DENND1A: variants seen among roughly 807,000 people sequenced by gnomAD.
DENND1A encodes the protein DENN domain-containing protein 1A.
In DENND1A, 51 loss-of-function variants were observed where a neutral mutation model predicts 113.7. That is an observed-to-expected ratio of 0.45 (90% CI 0.36 to 0.57). The LOEUF is 0.57. Ranked by LOEUF, DENND1A falls within the 20% of genes least tolerant of loss-of-function variation. The probability of loss-of-function intolerance (pLI) is 0.00; values close to 1 mark genes in which losing one functional copy is unlikely to be tolerated. For missense variants in DENND1A, 1,258 were observed against 1,395.9 expected, an observed-to-expected ratio of 0.90 and a Z score of 1.57; for synonymous variants, 565 against 570.8, an observed-to-expected ratio of 0.99 and a Z score of 0.14.
chr9:123,385,161 C>G (rs13291885), intron 22 of DENND1A, among the ~76,000 whole-genome samples: 15,762 of 151,960 alleles, frequency 0.1, 867 homozygotes, highest in Middle Eastern at 0.18. Context: ...TGCATCTAGC[C>G]TTTTTTATAT....
At chr9:123,765,538 C>A (rs535009426) in intron 4 of DENND1A, among the ~76,000 whole-genome samples, 4 of 152,184 alleles carry the variant, frequency 2.6e-5, no homozygotes, top group Admixed American at 6.5e-5. Context: ...ATTTGACTAT[C>A]CTGTCAGTTG....
intron 21 of DENND1A, chr9:123,400,950 C>G (rs1019043212): frequency 3.9e-5 from 6 of 152,206 alleles, no homozygotes; most frequent in Non-Finnish European, 8.8e-5. Context: ...CCTTCTGCTG[C>G]CCCAGTCTTC....
intron 11 of DENND1A, among the ~76,000 whole-genome samples, chr9:123,607,581 C>A (rs1223970229): frequency 8.4e-6 from 1 of 119,420 alleles, no homozygotes. Flanking sequence ...TGTGTGTGTG[C>A]AGACAATAAA....
chr9:123,771,893 ATAGGCAATG>A (rs1474646528), intron 3 of DENND1A, among the ~76,000 whole-genome samples: 1 of 152,124 alleles, frequency 6.6e-6, no homozygotes, highest in African/African-American at 2.4e-5. Flanking sequence ...GAAAGGGAAT[ATAGGCAATG>A]TAGGCACATG....
At chr9:123,414,626 A>T in intron 19 of DENND1A, 1 of 1,548,916 alleles carries the variant, frequency 6.5e-7, no homozygotes, top group South Asian at 1.2e-5. Context: ...CTTGCAAGAA[A>T]AAAACCCACC....
chr9:123,903,362 G>T (rs1296167422), intron 1 of DENND1A, among the ~76,000 whole-genome samples: 2 of 136,542 alleles, frequency 1.5e-5, no homozygotes, highest in Non-Finnish European at 3.1e-5. Context: ...AAAAAAACTG[G>T]AAAAAAAGAA....
chr9:123,730,816 T>C (rs1034747101), intron 5 of DENND1A, among the ~76,000 whole-genome samples: 1 of 152,154 alleles, frequency 6.6e-6, no homozygotes, highest in African/African-American at 2.4e-5. Context: ...CATATATTTA[T>C]TGCGGCACTG....
rs374548159 is a variant in DENND1A, at chr9:123,479,299, T to C, written c.994-21402A>G. On this transcript the variant is annotated intron_variant, in intron 13 of 23. Coordinates refer to ENST00000394215, the MANE Select transcript of DENND1A (RefSeq NM_001352964.2). ...ATGATCGCCTCTCATTTGCTCTTGA[T>C]GAGAGGAGCTACAAGGAAACTGACA... Among the ~76,000 whole-genome samples the C allele has an allele frequency of 1.4e-4, 22 of 152,306 alleles. No individual in the cohort carries two copies. In the East Asian group the frequency reaches 4.2e-3, roughly 29 times the overall value.
intron 9 of DENND1A, among the ~76,000 whole-genome samples, chr9:123,637,503 G>C (rs545983324): frequency 2.6e-5 from 4 of 152,140 alleles, no homozygotes; most frequent in Non-Finnish European, 5.9e-5. Context: ...TCATCAAAAC[G>C]TTTTAAGCAA....
At chr9:123,704,824 C>T (rs146475536) in intron 5 of DENND1A, among the ~76,000 whole-genome samples, 1 of 151,908 alleles carries the variant, frequency 6.6e-6, no homozygotes, top group African/African-American at 2.4e-5. Flanking sequence ...AGATTAGACA[C>T]GAGTAAAAGT....
chr9:123,813,005 C>T (rs1836880088), intron 2 of DENND1A, among the ~76,000 whole-genome samples: 1 of 152,154 alleles, frequency 6.6e-6, no homozygotes, highest in Non-Finnish European at 1.5e-5. Flanking sequence ...GGCTGGAGGG[C>T]AGTGGCATGA....
intron 20 of DENND1A, among the ~76,000 whole-genome samples, chr9:123,407,900 G>A (rs899228909): frequency 2.0e-5 from 3 of 152,214 alleles, no homozygotes; most frequent in East Asian, 1.9e-4. Flanking sequence ...TGCTTCACAC[G>A]CAGGCCGACG....
intron 13 of DENND1A, among the ~76,000 whole-genome samples, chr9:123,522,873 G>A (rs2054508072): frequency 6.6e-6 from 1 of 152,194 alleles, no homozygotes. Flanking sequence ...GGAGCCACAA[G>A]CAGATTTGCT....
rs1431394664 is a variant in DENND1A, at chr9:123,422,417, G to A, written c.1489-10588C>T. 2.0e-5 allele frequency among the ~76,000 whole-genome samples: 3 copies of A among 152,158 alleles called. No individual in the cohort carries two copies. Among genetic ancestry groups the A allele is most frequent in the African/African-American group, 4.8e-5 (2 of 41,438 alleles). ...TAGACTTTTTGAGTGGAATGCAAAC[G>A]TGGAAGCAATGGGAAGCTTAGATAT... On this transcript the variant is annotated intron_variant, in intron 19 of 23. Transcript: ENST00000394215. The surrounding 1 kb of genome is among the most constrained non-coding windows in gnomAD (Gnocchi z 4.8).
chr9:123,723,603 T>A (rs999467939), intron 5 of DENND1A, among the ~76,000 whole-genome samples: 1 of 152,158 alleles, frequency 6.6e-6, no homozygotes, highest in African/African-American at 2.4e-5. Context: ...AATGAATAAG[T>A]CTCATGAAAT....
chr9:123,728,750 G>C (rs2067936942), intron 5 of DENND1A, among the ~76,000 whole-genome samples: 1 of 152,054 alleles, frequency 6.6e-6, no homozygotes, highest in Admixed American at 6.5e-5. Flanking sequence ...GTATAGTATT[G>C]ATAGATACAT....
At chr9:123,917,965 T>A (rs1855477327) in intron 1 of DENND1A, among the ~76,000 whole-genome samples, 1 of 146,672 alleles carries the variant, frequency 6.8e-6, no homozygotes, top group African/African-American at 2.5e-5. Context: ...AAAAAAAAAA[T>A]TAGCCGGGCG....
Position 123,886,170 on chromosome 9 carries a change from A to G in DENND1A, c.18-7149T>C, listed in dbSNP as rs142092553. Among the ~76,000 whole-genome samples the G allele has an allele frequency of 4.9e-3, 743 of 152,218 alleles. 3 individuals are homozygous for G. The highest frequency in any genetic ancestry group is 0.017 in the African/African-American group (726 of 41,558). On this transcript the variant is annotated intron_variant, in intron 1 of 23. Coordinates refer to ENST00000394215, the MANE Select transcript of DENND1A (RefSeq NM_001352964.2). ...AGTATTTAGGCAGCAGCAAAGCTTAATGGCGTTTTTTGTTTTGTTTTTTTT... is the reference window on the plus strand; with the variant it reads ...AGTATTTAGGCAGCAGCAAAGCTTAGTGGCGTTTTTTGTTTTGTTTTTTTT...
chr9:123,441,653 T>G (rs1007917973), intron 18 of DENND1A, among the ~76,000 whole-genome samples: 5 of 152,216 alleles, frequency 3.3e-5, no homozygotes, highest in Admixed American at 1.3e-4. Flanking sequence ...GTCCCGTGTT[T>G]TATTCAAGTC....
Sources: gnomAD v4.1 joint callset for allele counts (sites outside exome capture counted in the v4.1 genomes callset) on GRCh38, gnomAD v4.1.1 for gene constraint, Gnocchi (gnomAD v3.1) non-coding constraint, MANE v1.5 for transcripts, NCBI Gene and HGNC (gene_info 2026-07-23, HGNC 2026-07-21) for gene names.